ZNF469: variants seen among roughly 807,000 people sequenced by gnomAD.
ZNF469 encodes zinc finger protein 469.
In ZNF469, 1 loss-of-function variant was observed where a neutral mutation model predicts 1.0. The observed-to-expected ratio is 1.00, with a 90% CI of 0.35 to 4.73. The LOEUF is 4.73. ZNF469 is among the 30% of genes most tolerant of loss of function. The pLI, the probability that ZNF469 is intolerant of heterozygous loss-of-function variation, is 0.16. For synonymous variants in ZNF469, 2,703 were observed against 2,363.4 expected, an observed-to-expected ratio of 1.14 and a Z score of -4.17; for missense variants, 6,100 against 5,356.3, an observed-to-expected ratio of 1.14 and a Z score of -4.33.
the ZNF469 span, among the ~76,000 whole-genome samples, chr16:88,234,058 T>C: frequency 6.6e-6 from 1 of 152,188 alleles, no homozygotes; most frequent in East Asian, 1.9e-4. Context: ...GGCTTTTGTG[T>C]GGGCTGCAGG....
chr16:88,387,952 TG>T (rs2142262745), intron 1 of ZNF469, among the ~76,000 whole-genome samples: 1 of 152,334 alleles, frequency 6.6e-6, no homozygotes, highest in African/African-American at 2.4e-5. Context: ...CTCAGAGCTC[TG>T]GGGCCAAGCT....
At chr16:88,360,572 A>G in the ZNF469 span, among the ~76,000 whole-genome samples, 3 of 85,432 alleles carry the variant, frequency 3.5e-5, no homozygotes, top group African/African-American at 5.3e-5. Flanking sequence ...CAGCGCCCGC[A>G]TGCTCCCTCG....
chr16:88,235,480 C>G, the ZNF469 span, among the ~76,000 whole-genome samples: 7 of 152,220 alleles, frequency 4.6e-5, no homozygotes, highest in African/African-American at 1.7e-4. Flanking sequence ...AGAGTAAAAC[C>G]TCTCCACGCC....
the ZNF469 span, among the ~76,000 whole-genome samples, chr16:88,225,943 A>G: frequency 6.6e-6 from 1 of 151,998 alleles, no homozygotes; most frequent in East Asian, 1.9e-4. Context: ...TGGCAGCTGG[A>G]CCTTCCTGGC....
chr16:88,259,269 G>A, the ZNF469 span, among the ~76,000 whole-genome samples: 1 of 143,200 alleles, frequency 7.0e-6, no homozygotes, highest in African/African-American at 2.6e-5. The surrounding 1 kb of genome is among the most constrained non-coding windows in gnomAD (Gnocchi z 4.1). Flanking sequence ...CCCCCGAAGC[G>A]GGCCAGAGAG....
the ZNF469 span, among the ~76,000 whole-genome samples, chr16:88,322,376 G>C: frequency 6.6e-6 from 1 of 152,236 alleles, no homozygotes; most frequent in Non-Finnish European, 1.5e-5. Context: ...GGGAGGCAAT[G>C]GCTCCTGCAC....
the ZNF469 span, among the ~76,000 whole-genome samples, chr16:88,333,337 G>A: frequency 7.8e-6 from 1 of 128,666 alleles, no homozygotes; most frequent in Admixed American, 7.9e-5. Flanking sequence ...AGTCACGGAA[G>A]AGGGGCCCAT....
Position 88,428,324 on chromosome 16 carries a change from C to T in ZNF469, c.854C>T (p.Thr285Ile), listed in dbSNP as rs935364256. The change falls in exon 3 of 3, where the codon ACA (threonine) becomes ATA (isoleucine). Residue 285 changes from threonine to isoleucine, a missense_variant. By Grantham distance (89) the Thr-to-Ile change is moderately conservative. Transcript: ENST00000565624. ...TTCCCGGCACTGCATGGGGCCAGCA[C>T]AAAACCCTTCCCTGCGGATGTGGCT... ...FPFPALHGASTKPFPADVAGH... is the reference protein window; with the variant it reads ...FPFPALHGASIKPFPADVAGH... 2.6e-6 allele frequency: 4 copies of T among 1,550,140 alleles called. No individual in the cohort carries two copies. The highest frequency in any genetic ancestry group is 2.6e-6 in the Non-Finnish European group (3 of 1,146,938).
At chr16:88,243,045 G>A in the ZNF469 span, among the ~76,000 whole-genome samples, 18 of 152,154 alleles carry the variant, frequency 1.2e-4, no homozygotes, top group Non-Finnish European at 2.6e-4. Context: ...ACTCACTGCT[G>A]GCCAGCCCGG....
chr16:88,438,384 C>T lies in ZNF469; in HGVS notation c.10914C>T (p.Phe3638=), dbSNP rs1310730617. The change falls in exon 3 of 3, where the codon TTC becomes TTT. Residue 3638 remains phenylalanine (F), a synonymous_variant. Coordinates refer to ENST00000565624, the MANE Select transcript of ZNF469 (RefSeq NM_001367624.2). ...GTGGCAGGTGTGCCCCTGACCATTTCCAGGAAGACCACCTACTTCAGAAAG... is the reference window on the plus strand; with the variant it reads ...GTGGCAGGTGTGCCCCTGACCATTTTCAGGAAGACCACCTACTTCAGAAAG... ...GARGRCAPDH[F]QEDHLLQKEK... The T allele has an allele frequency of 1.3e-6, 2 of 1,550,190 alleles. No homozygotes were observed. Among genetic ancestry groups the T allele is most frequent in the Non-Finnish European group, 1.7e-6 (2 of 1,146,962 alleles).
chr16:88,374,471 A>T, the ZNF469 span, among the ~76,000 whole-genome samples: 4 of 152,220 alleles, frequency 2.6e-5, no homozygotes, highest in Admixed American at 6.5e-5. Context: ...GAGACCAGGA[A>T]CATAGCTGGG....
the ZNF469 span, among the ~76,000 whole-genome samples, chr16:88,172,788 C>G: frequency 1.3e-5 from 2 of 152,130 alleles, no homozygotes; most frequent in Admixed American, 1.3e-4. Flanking sequence ...ACAAGCGAAA[C>G]TTTTAGAGAT....
chr16:88,422,558 CG>C (rs2142291567), intron 1 of ZNF469, among the ~76,000 whole-genome samples: 1 of 46,668 alleles, frequency 2.1e-5, no homozygotes, highest in Non-Finnish European at 4.0e-5. Context: ...GGGGGATGGG[CG>C]GGTGGATGGA....
chr16:88,135,775 T>TGGAG, the ZNF469 span, among the ~76,000 whole-genome samples: 1 of 142,476 alleles, frequency 7.0e-6, no homozygotes, highest in African/African-American at 2.7e-5. Flanking sequence ...TTTTTTTTTT[T>TGGAG]TTTGGGATGG....
In ZNF469 at chr16:88,438,636, C is replaced by T; in HGVS notation, c.11166C>T (p.Ala3722=). 2 of 1,550,086 alleles carry T rather than the reference C, an allele frequency of 1.3e-6. No individual in the cohort carries two copies. The highest frequency in any genetic ancestry group is 1.7e-6 in the Non-Finnish European group (2 of 1,146,904). The change falls in exon 3 of 3, where the codon GCC becomes GCT. Residue 3722 remains alanine (A), a synonymous_variant. Coordinates refer to ENST00000565624, the MANE Select transcript of ZNF469 (RefSeq NM_001367624.2). ...GCACAGAGAATGGGATGAAGCCCGC[C>T]ACCCCCAAAGCCAAACCCGGCCCCA... ...ARGTENGMKP[A]TPKAKPGPSS...
the ZNF469 span, among the ~76,000 whole-genome samples, chr16:88,353,538 C>A: frequency 6.6e-6 from 1 of 152,212 alleles, no homozygotes; most frequent in Admixed American, 6.5e-5. Context: ...CAGCCTCTCG[C>A]GGCTCACTGC....
the ZNF469 span, among the ~76,000 whole-genome samples, chr16:88,145,395 C>G: frequency 6.6e-6 from 1 of 152,208 alleles, no homozygotes; most frequent in Non-Finnish European, 1.5e-5. Flanking sequence ...CTATTGGTGG[C>G]AAATCCCAGA....
chr16:88,167,749 G>T, the ZNF469 span, among the ~76,000 whole-genome samples: 1 of 152,220 alleles, frequency 6.6e-6, no homozygotes, highest in Non-Finnish European at 1.5e-5. Context: ...CAAATGGGGG[G>T]TGGGTGTGGC....
chr16:88,324,105 A>G, the ZNF469 span, among the ~76,000 whole-genome samples: 2 of 152,208 alleles, frequency 1.3e-5, no homozygotes, highest in Non-Finnish European at 1.5e-5. Flanking sequence ...GGCACACCAC[A>G]TGGCTGGCCA....
Sources: allele counts gnomAD v4.1 joint callset (sites outside exome capture counted in the v4.1 genomes callset), GRCh38; gene constraint gnomAD v4.1.1; non-coding constraint Gnocchi (gnomAD v3.1); transcripts MANE v1.5; gene names NCBI Gene and HGNC (gene_info 2026-07-23, HGNC 2026-07-21).